The following SCMH1 variants were observed in gnomAD, a reference collection of about 807,000 sequenced individuals.
SCMH1 encodes polycomb protein SCMH1.
A neutral mutation model predicts 70.8 loss-of-function variants in SCMH1; 37 were observed. The observed-to-expected ratio is 0.52, with a 90% confidence interval of 0.40 to 0.69. The LOEUF is 0.69. Among genes scored for constraint, SCMH1 ranks in the 30% least tolerant of loss-of-function variants. The pLI is 0.00. For synonymous variants in SCMH1, 292 were observed against 307.4 expected (o/e 0.95, Z 0.52); for missense variants, 607 against 827.3 (o/e 0.73, Z 3.27).
intron 10 of SCMH1, among the ~76,000 whole-genome samples, chr1:41,069,841 T>C (rs942235604): frequency 2.0e-5 from 3 of 152,168 alleles, no homozygotes; most frequent in Non-Finnish European, 4.4e-5. Flanking sequence ...GAGCCTTCCC[T>C]TCAGGCTCCT....
chr1:41,050,726 G>A (rs1647801878), intron 10 of SCMH1, among the ~76,000 whole-genome samples: 1 of 152,160 alleles, frequency 6.6e-6, no homozygotes, highest in Admixed American at 6.6e-5. Context: ...GAAACGTAGC[G>A]ACTGACTCAA....
At position 41,151,693 on chromosome 1, in the gene SCMH1, G is replaced by T; in HGVS notation, c.107-9C>A. 1 of 1,600,604 alleles carries T rather than the reference G, an allele frequency of 6.2e-7. No individual in the cohort carries two copies. Among genetic ancestry groups the T allele is most frequent in the Non-Finnish European group, 8.5e-7 (1 of 1,170,118 alleles). ...GTCCCAGGTAAAATGACCTGTAAAG[G>T]AAATAGAAATCTATATCACAGTCAA... On this transcript the variant is annotated splice_polypyrimidine_tract_variant and intron_variant, in intron 4 of 14. Transcript: ENST00000337495.
At chr1:41,179,138 G>A (rs1468368911) in intron 2 of SCMH1, among the ~76,000 whole-genome samples, 1 of 152,066 alleles carries the variant, frequency 6.6e-6, no homozygotes, top group Non-Finnish European at 1.5e-5. Context: ...AATGACTACT[G>A]GGTACATAAC....
At chr1:41,137,035 C>A (rs1242669631) in intron 6 of SCMH1, among the ~76,000 whole-genome samples, 1 of 152,088 alleles carries the variant, frequency 6.6e-6, no homozygotes, top group Non-Finnish European at 1.5e-5. Flanking sequence ...CTTGCCTTGG[C>A]CACGCAAAGT....
intron 8 of SCMH1, among the ~76,000 whole-genome samples, chr1:41,097,119 T>C (rs1464478215): frequency 6.6e-6 from 1 of 152,244 alleles, no homozygotes; most frequent in African/African-American, 2.4e-5. Flanking sequence ...AGTTAGTTTG[T>C]CAGATACTGG....
chr1:41,126,874 TCCTGAAG>T (rs1453006913), intron 6 of SCMH1, among the ~76,000 whole-genome samples: 1 of 152,124 alleles, frequency 6.6e-6, no homozygotes, highest in African/African-American at 2.4e-5. Context: ...AAAATCAAAT[TCCTGAAG>T]TGGGATCCCT....
intron 2 of SCMH1, among the ~76,000 whole-genome samples, chr1:41,182,752 G>A (rs939458574): frequency 6.6e-6 from 1 of 151,922 alleles, no homozygotes; most frequent in African/African-American, 2.4e-5. Flanking sequence ...AATGAAAAAG[G>A]AACTTCTAGG....
At chr1:41,117,701 AG>A (rs1224550252) in intron 6 of SCMH1, among the ~76,000 whole-genome samples, 1 of 152,188 alleles carries the variant, frequency 6.6e-6, no homozygotes, top group African/African-American at 2.4e-5. Context: ...GTAGCAAATT[AG>A]TGAAAGTACT....
At chr1:41,058,626 C>T (rs192399271) in intron 10 of SCMH1, among the ~76,000 whole-genome samples, 79 of 152,004 alleles carry the variant, frequency 5.2e-4, no homozygotes, top group African/African-American at 1.9e-3. Flanking sequence ...GTGATCCACC[C>T]GCCTCAGCCT....
chr1:41,077,541 A>G (rs928880908), intron 8 of SCMH1, among the ~76,000 whole-genome samples: 1 of 152,178 alleles, frequency 6.6e-6, no homozygotes, highest in African/African-American at 2.4e-5. Context: ...CTCCTCTTAA[A>G]GATATTTTAA....
intron 2 of SCMH1, among the ~76,000 whole-genome samples, chr1:41,182,661 G>A (rs953854549): frequency 2.0e-5 from 3 of 151,972 alleles, no homozygotes; most frequent in Non-Finnish European, 4.4e-5. Flanking sequence ...CAGTGAGCCA[G>A]GATTACGTCA....
chr1:41,088,319 G>A (rs1266933821), intron 8 of SCMH1, among the ~76,000 whole-genome samples: 1 of 152,058 alleles, frequency 6.6e-6, no homozygotes, highest in Non-Finnish European at 1.5e-5. Context: ...AAGGGTGGAC[G>A]ATACTTCTCT....
At chr1:41,219,436 C>A (rs74070716) in intron 1 of SCMH1, among the ~76,000 whole-genome samples, 1,957 of 152,242 alleles carry the variant, frequency 0.013, 40 homozygotes, top group African/African-American at 0.045. Context: ...CTGAGACTGG[C>A]ATCTGAAATG....
intron 8 of SCMH1, among the ~76,000 whole-genome samples, chr1:41,078,846 G>A (rs1332325356): frequency 6.6e-6 from 1 of 152,166 alleles, no homozygotes; most frequent in Non-Finnish European, 1.5e-5. Flanking sequence ...GAAGGATGAA[G>A]AACACGAGAA....
Position 41,209,968 on chromosome 1 carries a change from G to A in SCMH1, c.-117-23718C>T, listed in dbSNP as rs562996026. On this transcript the variant is annotated intron_variant, in intron 1 of 14. Transcript: ENST00000337495. ...GATTGCATATTTAGAAAACCCCATC[G>A]TCTCAGCCCAAAGTCTCCTTAAGTT... Among the ~76,000 whole-genome samples the A allele has an allele frequency of 1.4e-4, 22 of 152,312 alleles. No homozygotes were observed. In the East Asian group the frequency reaches 2.9e-3, roughly 20 times the overall value.
intron 5 of SCMH1, among the ~76,000 whole-genome samples, chr1:41,144,359 G>A (rs929930604): frequency 2.0e-5 from 3 of 152,118 alleles, no homozygotes; most frequent in Non-Finnish European, 4.4e-5. Context: ...TATATAATGT[G>A]TGGCCAATAT....
At chr1:41,169,934 T>C (rs1282673147) in intron 2 of SCMH1, among the ~76,000 whole-genome samples, 1 of 152,168 alleles carries the variant, frequency 6.6e-6, no homozygotes, top group African/African-American at 2.4e-5. Context: ...GGACTCAATG[T>C]GTGGACAAAC....
chr1:41,180,283 C>T (rs1045813855), intron 2 of SCMH1, among the ~76,000 whole-genome samples: 1 of 152,182 alleles, frequency 6.6e-6, no homozygotes, highest in Non-Finnish European at 1.5e-5. Context: ...ACACTGGAAG[C>T]ATTCCCTTTG....
At chr1:41,039,074 G>C (rs1019498992) in intron 12 of SCMH1, among the ~76,000 whole-genome samples, 3 of 152,190 alleles carry the variant, frequency 2.0e-5, no homozygotes, top group Non-Finnish European at 4.4e-5. Context: ...TAAGCTGTCT[G>C]TGATAGTACA....
Sources: allele counts gnomAD v4.1 joint callset (sites outside exome capture counted in the v4.1 genomes callset), GRCh38; gene constraint gnomAD v4.1.1; transcripts MANE v1.5; gene names NCBI Gene and HGNC (gene_info 2026-07-23, HGNC 2026-07-21).